CDC14A: variants seen among roughly 807,000 people sequenced by gnomAD.
CDC14A encodes the protein dual specificity protein phosphatase CDC14A.
A neutral mutation model predicts 74.4 loss-of-function variants in CDC14A; 53 were observed. That is an observed-to-expected ratio of 0.71 (90% confidence interval 0.57 to 0.89). The LOEUF is 0.89. CDC14A is among the 40% of genes least tolerant of loss of function. The pLI, the probability that CDC14A is intolerant of heterozygous loss-of-function variation, is 0.00. For synonymous variants in CDC14A, 247 were observed against 258.4 expected, an observed-to-expected ratio of 0.96 and a Z score of 0.43; for missense variants, 646 against 713.7, an observed-to-expected ratio of 0.91 and a Z score of 1.08.
chr1:100,443,048 T>C, intron 7 of CDC14A, 52 bp downstream of exon 7: 1 of 1,245,788 alleles, frequency 8.0e-7, no homozygotes, highest in Non-Finnish European at 1.2e-6. Context: ...TGATTAATTT[T>C]TTCCCCCTGT....
chr1:100,355,040 A>G (rs1215444017), intron 2 of CDC14A, among the ~76,000 whole-genome samples: 1 of 152,244 alleles, frequency 6.6e-6, no homozygotes, highest in Non-Finnish European at 1.5e-5. Context: ...TGGGAATGAA[A>G]GAGCCCTTTG....
At chr1:100,353,097 G>A (rs960793842) in intron 1 of CDC14A, 94 bp downstream of exon 1, 1 of 1,372,600 alleles carries the variant, frequency 7.3e-7, no homozygotes, top group African/African-American at 1.4e-5. Context: ...GAGGCTGCCA[G>A]TGTCCTGCAG....
upstream of CDC14A, among the ~76,000 whole-genome samples, chr1:100,347,806 T>C (rs949601321): frequency 6.6e-6 from 1 of 152,224 alleles, no homozygotes; most frequent in African/African-American, 2.4e-5. Context: ...ATGTATTCTA[T>C]ATTTTCTTTA....
chr1:100,422,041 A>G (rs577315624), intron 4 of CDC14A, among the ~76,000 whole-genome samples: 1 of 152,318 alleles, frequency 6.6e-6, no homozygotes, highest in Admixed American at 6.5e-5. Flanking sequence ...TGAAAGGTCA[A>G]CCTGTAAAAG....
At chr1:100,457,154 A>G (rs947146378) in intron 8 of CDC14A, among the ~76,000 whole-genome samples, 1 of 152,188 alleles carries the variant, frequency 6.6e-6, no homozygotes, top group South Asian at 2.1e-4. Flanking sequence ...ACCATTTGTG[A>G]TTCATGTGTT....
upstream of CDC14A, among the ~76,000 whole-genome samples, chr1:100,347,607 G>C (rs1650538369): frequency 6.6e-6 from 1 of 152,116 alleles, no homozygotes; most frequent in African/African-American, 2.4e-5. Flanking sequence ...TGGTTCTACT[G>C]TAATAACTTT....
intron 5 of CDC14A, among the ~76,000 whole-genome samples, chr1:100,436,861 G>C (rs1571189735): frequency 6.6e-6 from 1 of 151,960 alleles, no homozygotes; most frequent in Non-Finnish European, 1.5e-5. Context: ...AGTCTTTGTT[G>C]GTTTCCATTT....
intron 15 of CDC14A, among the ~76,000 whole-genome samples, chr1:100,500,850 G>GTC (rs1346978117): frequency 1.7e-4 from 20 of 119,898 alleles, no homozygotes; most frequent in Middle Eastern, 0.011. Context: ...GTGTGTGTGT[G>GTC]TGTTCATGTG....
At chr1:100,395,884 G>T (rs1166018867) in intron 4 of CDC14A, among the ~76,000 whole-genome samples, 1 of 152,080 alleles carries the variant, frequency 6.6e-6, no homozygotes, top group Admixed American at 6.5e-5. Flanking sequence ...GTTCTATCTG[G>T]AATGTTCTTA....
At chr1:100,467,158 A>T (rs1316245740) in intron 9 of CDC14A, among the ~76,000 whole-genome samples, 1 of 152,130 alleles carries the variant, frequency 6.6e-6, no homozygotes, top group East Asian at 1.9e-4. Flanking sequence ...GTTAGAATGG[A>T]TCTTAAAATT....
intron 13 of CDC14A, 29 bp downstream of exon 13, chr1:100,496,078 A>G: frequency 3.8e-6 from 6 of 1,585,274 alleles, no homozygotes; most frequent in Non-Finnish European, 5.2e-6. Context: ...AATGTCTAGT[A>G]GCTTGTAAAT....
intron 15 of CDC14A, among the ~76,000 whole-genome samples, chr1:100,502,242 C>T (rs188453205): frequency 8.5e-5 from 13 of 152,316 alleles, no homozygotes; most frequent in South Asian, 4.1e-4. Flanking sequence ...CCCACTGACT[C>T]ACCCAGAGTA....
intron 2 of CDC14A, among the ~76,000 whole-genome samples, chr1:100,373,156 A>T (rs1654718584): frequency 6.6e-6 from 1 of 152,150 alleles, no homozygotes; most frequent in Admixed American, 6.5e-5. Flanking sequence ...AAAGTGAACC[A>T]TGTGTGACTT....
intron 2 of CDC14A, among the ~76,000 whole-genome samples, chr1:100,376,295 GTA>G (rs146520203): frequency 2.7e-5 from 4 of 150,248 alleles, no homozygotes; most frequent in Non-Finnish European, 3.0e-5. Flanking sequence ...AGAACTTAAA[GTA>G]TATATATATA....
rs779554716 is a variant in CDC14A at position 100,498,936 on chromosome 1, A to G, written c.1429A>G (p.Ile477Val). 3.0e-5 allele frequency: 48 copies of G among 1,608,578 alleles called. No individual in the cohort carries two copies. The highest frequency in any genetic ancestry group is 1.9e-4 in the South Asian group (17 of 90,758). The change falls in exon 15 of 16, where the codon ATA becomes GTA. Residue 477 changes from isoleucine (I) to valine (V), a missense_variant. Transcript: ENST00000336454. Reference sequence around the variant, plus strand: ...CTTGTGTTTTCCATTCAGCTTTTCCATAAACTCCCGGCTAGCCAGTTCTCT... The same window carrying G: ...CTTGTGTTTTCCATTCAGCTTTTCCGTAAACTCCCGGCTAGCCAGTTCTCT... ...SSGATVRSFS[I>V]NSRLASSLGN... is the part of the protein sequence containing the mutation.
intron 7 of CDC14A, among the ~76,000 whole-genome samples, chr1:100,451,342 G>A (rs1270807130): frequency 6.6e-6 from 1 of 152,190 alleles, no homozygotes; most frequent in African/African-American, 2.4e-5. Flanking sequence ...TGTAGCTGAT[G>A]CTAGCAGAGG....
In CDC14A at chr1:100,431,189, A is replaced by G. The variant is rs145842393; in HGVS notation, c.389+6888A>G. Among the ~76,000 whole-genome samples, 40 of 152,352 alleles carry G rather than the reference A, an allele frequency of 2.6e-4. No homozygotes were observed. The East Asian group carries it at 5.6e-3, about 21-fold the overall frequency. The stretch of plus-strand genomic sequence containing the variant: ...AAGAGAAACAAGTGTAAGTGTCTCC[A>G]TGACCCATTAAGAACTCACATGGAG... On this transcript the variant is annotated intron_variant, in intron 5 of 15. Coordinates refer to ENST00000336454, the MANE Select transcript of CDC14A (RefSeq NM_003672.4).
At chr1:100,418,052 T>C (rs1040923387) in intron 4 of CDC14A, among the ~76,000 whole-genome samples, 12 of 152,168 alleles carry the variant, frequency 7.9e-5, no homozygotes, top group Non-Finnish European at 1.6e-4. Context: ...CTGTGTGACC[T>C]TGAGCAACTA....
chr1:100,439,843 G>A, intron 5 of CDC14A, 89 bp from the exon 6 acceptor site: 2 of 869,534 alleles, frequency 2.3e-6, no homozygotes, highest in Middle Eastern at 3.3e-4. Flanking sequence ...AGCCAAACAA[G>A]CACATCTCCA....
Sources: allele counts gnomAD v4.1 joint callset (sites outside exome capture counted in the v4.1 genomes callset), GRCh38; gene constraint gnomAD v4.1.1; transcripts MANE v1.5; gene names NCBI Gene and HGNC (gene_info 2026-07-23, HGNC 2026-07-21).